ZFAND3: variants seen among roughly 807,000 people sequenced by gnomAD.
ZFAND3 encodes AN1-type zinc finger protein 3.
In ZFAND3, 10 loss-of-function variants were observed where a neutral mutation model predicts 29.6. That is an observed-to-expected ratio of 0.34 (90% CI 0.21 to 0.57). The LOEUF (loss-of-function observed/expected upper bound fraction) is 0.57, where lower values mean the gene tolerates loss of function less well. Ranked by LOEUF, ZFAND3 falls within the 20% of genes least tolerant of loss-of-function variation. ZFAND3 has a pLI of 0.86. For synonymous variants in ZFAND3, 128 were observed against 112.6 expected (o/e 1.14, Z -0.87); for missense variants, 230 against 304.5 (o/e 0.76, Z 1.82).
intron 4 of ZFAND3, 40 bp from the exon 5 acceptor site, chr6:38,116,532 A>G: frequency 6.3e-7 from 1 of 1,576,550 alleles, no homozygotes; most frequent in Non-Finnish European, 8.7e-7. Flanking sequence ...TTGCCAGGCC[A>G]GGCACTAATC....
chr6:38,125,743 A>G (rs1198691828), intron 5 of ZFAND3, among the ~76,000 whole-genome samples: 1 of 152,210 alleles, frequency 6.6e-6, no homozygotes, highest in Non-Finnish European at 1.5e-5. Flanking sequence ...TTATAAAAGG[A>G]AGTGAATTAT....
chr6:38,118,847 A>G (rs1765472409), intron 5 of ZFAND3, among the ~76,000 whole-genome samples: 2 of 152,024 alleles, frequency 1.3e-5, no homozygotes, highest in Non-Finnish European at 2.9e-5. Flanking sequence ...TGGTAAATAT[A>G]GATTACTCTG....
At position 38,069,537 on chromosome 6, in the gene ZFAND3, A is replaced by G. The variant is rs141329705; in HGVS notation, c.295+7762A>G. On this transcript the variant is annotated intron_variant, in intron 3 of 5. Coordinates refer to ENST00000287218, the MANE Select transcript of ZFAND3 (RefSeq NM_021943.3). ...TTAACGGTGTTTTTTTCCCCAGTGC[A>G]TTTATTCATTCATCCCAAAGCTGGT... Among the ~76,000 whole-genome samples, 378 of 152,214 alleles carry G rather than the reference A, an allele frequency of 2.5e-3. 1 individual carries two copies. The South Asian group carries it at 0.03, about 12-fold the overall frequency.
chr6:38,051,626 G>GT (rs1301388210), intron 2 of ZFAND3, among the ~76,000 whole-genome samples: 1 of 151,768 alleles, frequency 6.6e-6, no homozygotes, highest in Non-Finnish European at 1.5e-5. Flanking sequence ...ATTTTATTTT[G>GT]TCAGCTTTAC....
At chr6:37,901,928 T>C (rs1456731574) in intron 1 of ZFAND3, among the ~76,000 whole-genome samples, 4 of 152,216 alleles carry the variant, frequency 2.6e-5, no homozygotes, top group African/African-American at 9.6e-5. Flanking sequence ...TTTAATTCCT[T>C]ACTTGGTTCT....
At chr6:38,032,045 C>G (rs1258885909) in intron 2 of ZFAND3, among the ~76,000 whole-genome samples, 1 of 151,986 alleles carries the variant, frequency 6.6e-6, no homozygotes, top group Non-Finnish European at 1.5e-5. Flanking sequence ...GTTACCCAGG[C>G]TGGTCTCTAA....
intron 2 of ZFAND3, among the ~76,000 whole-genome samples, chr6:38,019,684 G>C (rs528196565): frequency 6.6e-6 from 1 of 152,076 alleles, no homozygotes; most frequent in South Asian, 2.1e-4. Flanking sequence ...TTATGTTTTT[G>C]ATGAAAGACA....
intron 1 of ZFAND3, among the ~76,000 whole-genome samples, chr6:37,886,677 C>T (rs1765000548): frequency 6.6e-6 from 1 of 152,060 alleles, no homozygotes; most frequent in South Asian, 2.1e-4. Context: ...GTGAGAATTC[C>T]ATGTTTTGGA....
chr6:38,139,427 ATTGAAGGAAAAGTTCAAGATGCC>A (rs1294871088), intron 5 of ZFAND3, among the ~76,000 whole-genome samples: 1 of 152,182 alleles, frequency 6.6e-6, no homozygotes, highest in Non-Finnish European at 1.5e-5. Flanking sequence ...GTGACTAGTG[ATTGAAGGAAAAGTTCAAGATGCC>A]TTGAAAGCAT....
chr6:37,846,335 T>C (rs1259567121), intron 1 of ZFAND3, among the ~76,000 whole-genome samples: 1 of 152,194 alleles, frequency 6.6e-6, no homozygotes, highest in African/African-American at 2.4e-5. Context: ...TTGAGCCAGG[T>C]GCAGCTGTTT....
At chr6:37,853,412 GA>G (rs56738009) in intron 1 of ZFAND3, among the ~76,000 whole-genome samples, 1,558 of 65,878 alleles carry the variant, frequency 0.024, 20 homozygotes, top group African/African-American at 0.055. Flanking sequence ...TGAGCCTCAA[GA>G]AAAAAAAAAA....
intron 3 of ZFAND3, among the ~76,000 whole-genome samples, chr6:38,076,013 A>G (rs1333139988): frequency 6.6e-6 from 1 of 151,994 alleles, no homozygotes; most frequent in Admixed American, 6.6e-5. Context: ...CAGCCTTGCA[A>G]AGCGCTGGGA....
chr6:38,117,599 G>T (rs1765446829), intron 5 of ZFAND3, among the ~76,000 whole-genome samples: 1 of 152,132 alleles, frequency 6.6e-6, no homozygotes, highest in South Asian at 2.1e-4. Context: ...AAAATTGTTT[G>T]AGGACCAGTT....
chr6:38,047,977 T>G (rs1374905663), intron 2 of ZFAND3, among the ~76,000 whole-genome samples: 1 of 151,424 alleles, frequency 6.6e-6, no homozygotes, highest in African/African-American at 2.4e-5. Flanking sequence ...TTTTTTGTTT[T>G]TTTTTTTTTT....
chr6:38,144,013 A>G (rs979469026), intron 5 of ZFAND3, among the ~76,000 whole-genome samples: 16 of 151,756 alleles, frequency 1.1e-4, no homozygotes, highest in Non-Finnish European at 1.5e-5. Flanking sequence ...GATGTGGTAT[A>G]ATCCAGGGAT....
At chr6:38,032,341 T>C (rs1481189174) in intron 2 of ZFAND3, among the ~76,000 whole-genome samples, 2 of 152,246 alleles carry the variant, frequency 1.3e-5, no homozygotes, top group East Asian at 3.8e-4. Flanking sequence ...TCATTGAATA[T>C]GTCAGTTGTT....
At chr6:37,836,174 A>T (rs944591756) in intron 1 of ZFAND3, among the ~76,000 whole-genome samples, 4 of 152,212 alleles carry the variant, frequency 2.6e-5, no homozygotes, top group African/African-American at 9.6e-5. Flanking sequence ...GAGTTGTCAG[A>T]ATCACTTCGG....
At chr6:37,946,722 T>C (rs574148251) in intron 2 of ZFAND3, among the ~76,000 whole-genome samples, 2 of 152,306 alleles carry the variant, frequency 1.3e-5, no homozygotes, top group African/African-American at 4.8e-5. Context: ...TAACAAGTGT[T>C]TTTGCTATAG....
Position 38,020,665 on chromosome 6 carries a change from A to G in ZFAND3, c.113-40928A>G, listed in dbSNP as rs1467967098. On this transcript the variant is annotated intron_variant, in intron 2 of 5. Coordinates refer to ENST00000287218, the MANE Select transcript of ZFAND3 (RefSeq NM_021943.3). ...ATCTCCTTATTTTGCCTCTCTCCCC[A>G]TTACACAGCCTGATATTGTCCAGAT... Among the ~76,000 whole-genome samples the G allele has an allele frequency of 2.1e-4, 32 of 152,188 alleles. 1 individual carries two copies. The highest frequency in any genetic ancestry group is 2.1e-3 in the Admixed American group (32 of 15,278).
Sources: gnomAD v4.1 joint callset for allele counts (sites outside exome capture counted in the v4.1 genomes callset) on GRCh38, gnomAD v4.1.1 for gene constraint, MANE v1.5 for transcripts, NCBI Gene and HGNC (gene_info 2026-07-23, HGNC 2026-07-21) for gene names.